Variants in CDK14 observed in about 807,000 individuals in gnomAD.
CDK14 encodes cyclin dependent kinase 14.
A neutral mutation model predicts 60.7 loss-of-function variants in CDK14; 34 were observed. That is an observed-to-expected ratio of 0.56 (90% CI 0.43 to 0.75). The LOEUF is 0.75. CDK14 is among the 30% of genes least tolerant of loss of function. CDK14 has a pLI of 0.00. For missense variants in CDK14, 482 were observed against 564.1 expected (o/e 0.85, Z 1.47); for synonymous variants, 197 against 203.7 (o/e 0.97, Z 0.28).
chr7:91,170,129 G>T (rs1460158365), intron 14 of CDK14, among the ~76,000 whole-genome samples: 2 of 152,186 alleles, frequency 1.3e-5, no homozygotes, highest in Non-Finnish European at 2.9e-5. Flanking sequence ...GCTCTGTGAT[G>T]ACACGAGCTG....
chr7:90,892,175 A>G (rs1446149167), intron 6 of CDK14, among the ~76,000 whole-genome samples: 2 of 152,212 alleles, frequency 1.3e-5, no homozygotes, highest in Non-Finnish European at 2.9e-5. Context: ...ACCCAAGGTC[A>G]GATTCAAAAC....
At chr7:90,649,512 C>A (rs1800579237) in intron 2 of CDK14, among the ~76,000 whole-genome samples, 1 of 148,176 alleles carries the variant, frequency 6.7e-6, no homozygotes, top group African/African-American at 2.5e-5. Flanking sequence ...GCACAACATG[C>A]AGGTTTGTTA....
At chr7:90,962,796 A>G (rs1236188643) in intron 9 of CDK14, among the ~76,000 whole-genome samples, 3 of 152,126 alleles carry the variant, frequency 2.0e-5, no homozygotes, top group Non-Finnish European at 2.9e-5. Context: ...CATTATTATA[A>G]CCCTTGGTGC....
At chr7:91,000,510 A>G (rs1584216699) in intron 10 of CDK14, among the ~76,000 whole-genome samples, 1 of 152,228 alleles carries the variant, frequency 6.6e-6, no homozygotes, top group Non-Finnish European at 1.5e-5. Context: ...TCAAGAAAGT[A>G]ATAGAAGGAT....
intron 6 of CDK14, among the ~76,000 whole-genome samples, chr7:90,873,154 A>G (rs993582471): frequency 1.3e-5 from 2 of 152,172 alleles, no homozygotes; most frequent in African/African-American, 2.4e-5. Flanking sequence ...AGAGTAATAC[A>G]TTGAATGTAA....
At chr7:91,180,887 G>A (rs1801980712) in intron 14 of CDK14, among the ~76,000 whole-genome samples, 1 of 152,144 alleles carries the variant, frequency 6.6e-6, no homozygotes, top group Non-Finnish European at 1.5e-5. Context: ...AGAATGAACT[G>A]CCATGTACAG....
intron 10 of CDK14, among the ~76,000 whole-genome samples, chr7:91,021,791 G>A (rs930247449): frequency 6.6e-5 from 10 of 152,074 alleles, no homozygotes; most frequent in African/African-American, 2.2e-4. Context: ...ACTTTCATTG[G>A]TCACCATACT....
At chr7:91,058,844 C>G (rs184281894) in intron 11 of CDK14, among the ~76,000 whole-genome samples, 36,932 of 152,014 alleles carry the variant, frequency 0.24, 5,492 homozygotes, top group African/African-American at 0.41. Context: ...ATGTTTATCA[C>G]GGATATTGGT....
At chr7:91,079,753 T>C (rs765002705) in intron 12 of CDK14, among the ~76,000 whole-genome samples, 1 of 152,196 alleles carries the variant, frequency 6.6e-6, no homozygotes, top group Non-Finnish European at 1.5e-5. Context: ...TGCAGCTAAA[T>C]TCCAAGAAAT....
intron 13 of CDK14, among the ~76,000 whole-genome samples, chr7:91,116,781 C>T (rs890243254): frequency 1.3e-5 from 2 of 151,928 alleles, no homozygotes; most frequent in Admixed American, 6.6e-5. Context: ...ATACTTCTTT[C>T]GCTTGGTTTC....
chr7:90,907,686 C>T (rs958145431), intron 7 of CDK14, among the ~76,000 whole-genome samples: 2 of 152,056 alleles, frequency 1.3e-5, no homozygotes, highest in Non-Finnish European at 2.9e-5. Flanking sequence ...GAAGTATCCG[C>T]AATCCTATTG....
At chr7:91,169,177 G>T (rs555328308) in intron 14 of CDK14, among the ~76,000 whole-genome samples, 1 of 152,262 alleles carries the variant, frequency 6.6e-6, no homozygotes, top group Admixed American at 6.5e-5. Context: ...AAAATCTATT[G>T]TACAGCTCAC....
At chr7:91,087,320 C>T (rs901385233) in intron 12 of CDK14, among the ~76,000 whole-genome samples, 4 of 151,994 alleles carry the variant, frequency 2.6e-5, no homozygotes, top group Non-Finnish European at 5.9e-5. Flanking sequence ...TAAGAATATA[C>T]CATCAATAAA....
intron 4 of CDK14, among the ~76,000 whole-genome samples, chr7:90,771,706 T>G (rs1033439984): frequency 1.3e-5 from 2 of 152,146 alleles, no homozygotes; most frequent in Admixed American, 6.5e-5. Flanking sequence ...CTGGGACCAA[T>G]CAGGAGCTGA....
intron 6 of CDK14, among the ~76,000 whole-genome samples, chr7:90,877,225 T>C (rs1247711892): frequency 1.3e-5 from 2 of 152,214 alleles, no homozygotes; most frequent in Non-Finnish European, 2.9e-5. Flanking sequence ...ATATATACAC[T>C]TCATTTTTCA....
chr7:90,959,752 G>T (rs1238685869), intron 9 of CDK14, among the ~76,000 whole-genome samples: 1 of 152,182 alleles, frequency 6.6e-6, no homozygotes, highest in Admixed American at 6.5e-5. Flanking sequence ...AGCTGGCCGT[G>T]TTACGATTTC....
intron 14 of CDK14, among the ~76,000 whole-genome samples, chr7:91,186,231 T>C (rs1166350493): frequency 8.2e-4 from 3 of 3,668 alleles, no homozygotes; most frequent in Admixed American, 2.1e-3. Context: ...CCCTCTCCTC[T>C]CCTCCCCTCC....
intron 2 of CDK14, chr7:90,709,649 T>C (rs1801989796): frequency 6.2e-7 from 1 of 1,604,720 alleles, no homozygotes; most frequent in Non-Finnish European, 8.5e-7. Context: ...TTAGATTTTT[T>C]GGAGAAAATA....
At chr7:91,122,663 G>A (rs372374254) in intron 14 of CDK14, among the ~76,000 whole-genome samples, 5 of 152,250 alleles carry the variant, frequency 3.3e-5, no homozygotes. Flanking sequence ...TCACTTCAGG[G>A]CTTCTGCTGA....
Sources: gnomAD v4.1 joint callset for allele counts (sites outside exome capture counted in the v4.1 genomes callset) on GRCh38, gnomAD v4.1.1 for gene constraint, MANE v1.5 for transcripts, NCBI Gene and HGNC (gene_info 2026-07-23, HGNC 2026-07-21) for gene names.